Variants in ANKS1B observed in about 807,000 individuals in gnomAD.
The protein encoded by ANKS1B is ankyrin repeat and sterile alpha motif domain containing 1B, also known as ankyrin repeat and sterile alpha motif domain-containing protein 1B.
Under a neutral mutation model 148.3 loss-of-function variants are expected in ANKS1B, and 36 were observed. The ratio of observed to expected loss-of-function variants is 0.24; its 90% CI spans 0.19 to 0.32. The LOEUF is 0.32. ANKS1B is among the 10% of genes least tolerant of loss of function. ANKS1B has a pLI of 1.00. For missense variants in ANKS1B, 1,157 were observed against 1,542.6 expected (o/e 0.75, Z 4.19); for synonymous variants, 542 against 560.8 (o/e 0.97, Z 0.47).
intron 12 of ANKS1B, among the ~76,000 whole-genome samples, chr12:99,328,844 A>C (rs1429610243): frequency 1.3e-5 from 2 of 151,946 alleles, no homozygotes; most frequent in African/African-American, 4.8e-5. Context: ...TGAAACTTAC[A>C]TCAAAACTGT....
intron 4 of ANKS1B, among the ~76,000 whole-genome samples, chr12:99,806,015 C>T (rs2153661539): frequency 6.6e-6 from 1 of 152,294 alleles, no homozygotes; most frequent in East Asian, 1.9e-4. Flanking sequence ...CTAAATGTGT[C>T]AACATGCTAA....
chr12:98,859,556 G>C (rs1222942472), intron 17 of ANKS1B, among the ~76,000 whole-genome samples: 1 of 152,182 alleles, frequency 6.6e-6, no homozygotes, highest in Non-Finnish European at 1.5e-5. Context: ...ACAACAAACA[G>C]AAAGGACTTG....
chr12:99,610,083 C>G (rs1485886649), intron 9 of ANKS1B, among the ~76,000 whole-genome samples: 1 of 152,012 alleles, frequency 6.6e-6, no homozygotes, highest in Non-Finnish European at 1.5e-5. Flanking sequence ...AAAAGGGTCA[C>G]AACCAACACT....
intron 9 of ANKS1B, among the ~76,000 whole-genome samples, chr12:99,574,933 A>G (rs901685352): frequency 1.3e-5 from 2 of 152,132 alleles, no homozygotes; most frequent in Non-Finnish European, 2.9e-5. Context: ...AGTGAGGCAA[A>G]CTAAACAGAT....
intron 14 of ANKS1B, among the ~76,000 whole-genome samples, chr12:99,215,807 G>A (rs929024335): frequency 2.6e-5 from 4 of 152,278 alleles, no homozygotes; most frequent in South Asian, 2.1e-4. Flanking sequence ...AAGAGACTTG[G>A]CTTGTCTCAG....
At chr12:99,509,912 G>A (rs2096747329) in intron 9 of ANKS1B, among the ~76,000 whole-genome samples, 1 of 151,950 alleles carries the variant, frequency 6.6e-6, no homozygotes, top group African/African-American at 2.4e-5. Flanking sequence ...TTAAGTTGAA[G>A]CCAATGCTCA....
chr12:99,573,295 T>C (rs2097481201), intron 9 of ANKS1B, among the ~76,000 whole-genome samples: 1 of 152,134 alleles, frequency 6.6e-6, no homozygotes, highest in East Asian at 1.9e-4. Flanking sequence ...TACTAGGTTA[T>C]AGATATTATC....
chr12:99,773,972 C>G (rs2063427959), intron 7 of ANKS1B, among the ~76,000 whole-genome samples: 6 of 152,016 alleles, frequency 3.9e-5, no homozygotes, highest in Admixed American at 2.0e-4. Flanking sequence ...AAATATGACC[C>G]TTATCTCATC....
chr12:99,177,197 G>A (rs752688708), intron 14 of ANKS1B, among the ~76,000 whole-genome samples: 10 of 152,110 alleles, frequency 6.6e-5, no homozygotes, highest in African/African-American at 1.2e-4. Context: ...ACTCCTTTAC[G>A]AAAACGTCCA....
At chr12:98,879,410 G>C (rs911085555) in intron 17 of ANKS1B, among the ~76,000 whole-genome samples, 5 of 152,226 alleles carry the variant, frequency 3.3e-5, no homozygotes, top group Admixed American at 6.5e-5. Context: ...ATAAGTCATA[G>C]AGTGAGGATG....
intron 9 of ANKS1B, among the ~76,000 whole-genome samples, chr12:99,527,646 G>A (rs551110730): frequency 1.1e-3 from 163 of 152,244 alleles, no homozygotes; most frequent in Non-Finnish European, 1.7e-3. Flanking sequence ...AAGAGCATGA[G>A]CCCTTTAACT....
chr12:99,892,964 T>G (rs2093189464), intron 1 of ANKS1B, among the ~76,000 whole-genome samples: 1 of 152,068 alleles, frequency 6.6e-6, no homozygotes, highest in Non-Finnish European at 1.5e-5. Flanking sequence ...GATGCTGACA[T>G]TAGAGGACCC....
At chr12:99,209,350 A>AGAGAAAAATTGCTTTAG in intron 14 of ANKS1B, among the ~76,000 whole-genome samples, 1 of 152,190 alleles carries the variant, frequency 6.6e-6, no homozygotes, top group Non-Finnish European at 1.5e-5. Flanking sequence ...GTGACTCTAG[A>AGAGAAAAATTGCTTTAG]GAGAAAAATT....
intron 9 of ANKS1B, among the ~76,000 whole-genome samples, chr12:99,612,013 C>T (rs1436979587): frequency 2.6e-5 from 4 of 151,902 alleles, no homozygotes; most frequent in African/African-American, 7.3e-5. Flanking sequence ...TATTATACAT[C>T]CAGGATTCAC....
chr12:99,975,724 T>A (rs1418234970), intron 1 of ANKS1B, among the ~76,000 whole-genome samples: 1 of 152,232 alleles, frequency 6.6e-6, no homozygotes, highest in East Asian at 1.9e-4. Flanking sequence ...TAGGCCTTTG[T>A]CAGATACACA....
intron 8 of ANKS1B, among the ~76,000 whole-genome samples, chr12:99,674,294 TTATTA>T (rs1292079041): frequency 1.3e-5 from 2 of 151,848 alleles, no homozygotes; most frequent in East Asian, 1.9e-4. Context: ...TTGTCATATT[TTATTA>T]TATCTAAGAC....
chr12:99,462,787 T>C (rs1452685477), intron 10 of ANKS1B, among the ~76,000 whole-genome samples: 1 of 152,238 alleles, frequency 6.6e-6, no homozygotes, highest in African/African-American at 2.4e-5. Flanking sequence ...CCCTCATGAA[T>C]GGCCTGGTGC....
rs555786876 is a variant in ANKS1B, at chr12:98,748,368, A to T, written c.3748-2519T>A. 7.4e-4 allele frequency among the ~76,000 whole-genome samples: 113 copies of T among 152,262 alleles called. 1 individual carries two copies. The highest frequency in any genetic ancestry group is 1.1e-3 in the Non-Finnish European group (75 of 68,026). On this transcript the variant is annotated intron_variant, in intron 26 of 26. Coordinates refer to ENST00000683438, the MANE Select transcript of ANKS1B (RefSeq NM_001352186.2). Reference sequence around the variant, plus strand: ...AAAATGGTTTCGTCCCTGTGCGTACAAATACAACGGGACACTCCTGGGGCG... The same window carrying T: ...AAAATGGTTTCGTCCCTGTGCGTACTAATACAACGGGACACTCCTGGGGCG...
intron 14 of ANKS1B, among the ~76,000 whole-genome samples, chr12:99,193,193 C>T (rs1006919099): frequency 3.9e-5 from 6 of 152,278 alleles, no homozygotes; most frequent in African/African-American, 1.4e-4. Flanking sequence ...GGGCTCAGAA[C>T]ATGATACCCT....
Sources: gnomAD v4.1 joint callset for allele counts (sites outside exome capture counted in the v4.1 genomes callset) on GRCh38, gnomAD v4.1.1 for gene constraint, MANE v1.5 for transcripts, NCBI Gene and HGNC (gene_info 2026-07-23, HGNC 2026-07-21) for gene names.